SLIT3: variants seen among roughly 807,000 people sequenced by gnomAD.
SLIT3 encodes the protein slit homolog 3 protein.
In SLIT3, 68 loss-of-function variants were observed where a neutral mutation model predicts 184.0. That is an observed-to-expected ratio of 0.37 (90% CI 0.30 to 0.45). The LOEUF (loss-of-function observed/expected upper bound fraction) is 0.45. Among genes scored for constraint, SLIT3 ranks in the 20% least tolerant of loss-of-function variants. The pLI is 1.00. For missense variants in SLIT3, 1,707 were observed against 2,026.0 expected (o/e 0.84, Z 3.02); for synonymous variants, 831 against 828.6 (o/e 1.00, Z -0.05).
intron 4 of SLIT3, among the ~76,000 whole-genome samples, chr5:168,943,193 A>C (rs1762377042): frequency 6.6e-6 from 1 of 152,188 alleles, no homozygotes; most frequent in Non-Finnish European, 1.5e-5. Context: ...AGTTTTCCTA[A>C]AGTAGGACAA....
intron 2 of SLIT3, 57 bp from the exon 3 acceptor site, chr5:169,244,833 A>G: frequency 2.7e-6 from 4 of 1,461,020 alleles, no homozygotes; most frequent in Non-Finnish European, 2.9e-6. Flanking sequence ...GGACCCTCAT[A>G]CTAGGCTTCA....
chr5:168,667,141 G>A (rs78841213), intron 35 of SLIT3, among the ~76,000 whole-genome samples: 1,927 of 152,306 alleles, frequency 0.013, 42 homozygotes, highest in African/African-American at 0.044. Context: ...GTCTGGCAGA[G>A]CTGAGCCTGC....
chr5:169,093,979 G>A (rs1214426059), intron 4 of SLIT3, among the ~76,000 whole-genome samples: 1 of 152,086 alleles, frequency 6.6e-6, no homozygotes, highest in African/African-American at 2.4e-5. Flanking sequence ...CTATGTTCCT[G>A]GTACCGTTCT....
chr5:169,170,688 GA>G (rs1446287955), intron 4 of SLIT3, among the ~76,000 whole-genome samples: 21 of 152,084 alleles, frequency 1.4e-4, no homozygotes, highest in Non-Finnish European at 2.8e-4. Flanking sequence ...CAAACAATCT[GA>G]ATTTTTATAT....
At chr5:168,672,397 C>T (rs1035514048) in intron 33 of SLIT3, among the ~76,000 whole-genome samples, 5 of 152,174 alleles carry the variant, frequency 3.3e-5, no homozygotes, top group African/African-American at 1.2e-4. Context: ...GCTTTTTTTA[C>T]ACTTAACCCC....
At chr5:169,170,602 C>T (rs147878773) in intron 4 of SLIT3, among the ~76,000 whole-genome samples, 1,533 of 152,296 alleles carry the variant, frequency 0.01, 11 homozygotes, top group Non-Finnish European at 0.017. Flanking sequence ...TAAACGGGCT[C>T]TGCAGGCTGC....
chr5:168,794,998 T>C (rs1012747861), intron 10 of SLIT3, among the ~76,000 whole-genome samples: 1 of 152,236 alleles, frequency 6.6e-6, no homozygotes, highest in Admixed American at 6.5e-5. Flanking sequence ...CCCACTCGAA[T>C]GCAAGCTCCG....
At chr5:168,764,980 C>T (rs940462881) in intron 14 of SLIT3, among the ~76,000 whole-genome samples, 5 of 152,178 alleles carry the variant, frequency 3.3e-5, no homozygotes, top group Non-Finnish European at 5.9e-5. Context: ...TCTTGTTCTC[C>T]GCACCAGTGG....
chr5:168,819,722 G>C (rs1757458364), intron 7 of SLIT3, among the ~76,000 whole-genome samples: 1 of 152,214 alleles, frequency 6.6e-6, no homozygotes. Flanking sequence ...AAAAATGTCA[G>C]AGGTTTCCCT....
At chr5:168,804,688 C>T (rs966121889) in intron 9 of SLIT3, among the ~76,000 whole-genome samples, 2 of 152,164 alleles carry the variant, frequency 1.3e-5, no homozygotes, top group African/African-American at 4.8e-5. Flanking sequence ...TGGGTTGTGT[C>T]TACTATGGCT....
At chr5:169,154,195 C>T (rs890088023) in intron 4 of SLIT3, among the ~76,000 whole-genome samples, 5 of 152,122 alleles carry the variant, frequency 3.3e-5, no homozygotes, top group South Asian at 2.1e-4. Flanking sequence ...CTCCTGACCT[C>T]GTGATCCACC....
intron 29 of SLIT3, among the ~76,000 whole-genome samples, chr5:168,691,827 G>T (rs571118759): frequency 1.3e-5 from 2 of 152,120 alleles, no homozygotes; most frequent in African/African-American, 4.8e-5. Flanking sequence ...TCTCCCTCTC[G>T]ATGTCAGAAA....
At chr5:168,952,765 A>T (rs1762703023) in intron 4 of SLIT3, among the ~76,000 whole-genome samples, 1 of 152,212 alleles carries the variant, frequency 6.6e-6, no homozygotes, top group African/African-American at 2.4e-5. Flanking sequence ...GGCCTTGTTA[A>T]AGATAAAAGT....
chr5:169,015,923 A>T (rs1756344124), intron 4 of SLIT3, among the ~76,000 whole-genome samples: 1 of 140,158 alleles, frequency 7.1e-6, no homozygotes, highest in Admixed American at 7.5e-5. Context: ...CTGACTCAGA[A>T]AAATATAAAC....
chr5:168,746,154 T>A (rs191897529), intron 20 of SLIT3, among the ~76,000 whole-genome samples: 1 of 152,340 alleles, frequency 6.6e-6, no homozygotes, highest in East Asian at 1.9e-4. Flanking sequence ...GGTCTGGAAC[T>A]GAACCCACAA....
chr5:169,232,985 C>T (rs1006017011), intron 3 of SLIT3, among the ~76,000 whole-genome samples: 13 of 152,134 alleles, frequency 8.5e-5, no homozygotes, highest in Non-Finnish European at 1.3e-4. Context: ...AAGGCCTGTG[C>T]ATCTTTCATT....
At chr5:168,878,344 C>A (rs28542405) in intron 5 of SLIT3, among the ~76,000 whole-genome samples, 48,224 of 152,104 alleles carry the variant, frequency 0.32, 8,132 homozygotes, top group Non-Finnish European at 0.37. Context: ...GGGCAGGCGT[C>A]CAGTCCCTTC....
chr5:169,091,079 C>T (rs976126635), intron 4 of SLIT3, among the ~76,000 whole-genome samples: 2 of 152,120 alleles, frequency 1.3e-5, no homozygotes, highest in Non-Finnish European at 2.9e-5. Context: ...GGAGAGAGAG[C>T]GCCCTAGTTC....
At chr5:169,134,792 C>T (rs1761439442) in intron 4 of SLIT3, among the ~76,000 whole-genome samples, 1 of 152,222 alleles carries the variant, frequency 6.6e-6, no homozygotes, top group Non-Finnish European at 1.5e-5. Flanking sequence ...CATGCCCCAG[C>T]TGGTCCACTA....
Sources: allele counts gnomAD v4.1 joint callset (sites outside exome capture counted in the v4.1 genomes callset), GRCh38; gene constraint gnomAD v4.1.1; transcripts MANE v1.5; gene names NCBI Gene and HGNC (gene_info 2026-07-23, HGNC 2026-07-21).